NALF1: variants seen among roughly 807,000 people sequenced by gnomAD.
NALF1 encodes family with sequence similarity 155 member A.
In NALF1, 3 loss-of-function variants were observed where a neutral mutation model predicts 48.4. The ratio of observed to expected loss-of-function variants is 0.06; its 90% CI spans 0.03 to 0.16. The LOEUF is 0.16. Ranked by LOEUF, NALF1 falls within the 10% of genes least tolerant of loss-of-function variation. The probability of loss-of-function intolerance (pLI) is 1.00; values close to 1 mark genes in which losing one functional copy is unlikely to be tolerated. For synonymous variants in NALF1, 262 were observed against 245.7 expected, an observed-to-expected ratio of 1.07 and a Z score of -0.62; for missense variants, 526 against 571.5, an observed-to-expected ratio of 0.92 and a Z score of 0.81.
intron 1 of NALF1, among the ~76,000 whole-genome samples, chr13:107,228,034 T>A (rs1448710310): frequency 6.6e-6 from 1 of 152,202 alleles, no homozygotes; most frequent in South Asian, 2.1e-4. Flanking sequence ...ATATGTTATG[T>A]AAAGAGCATA....
At chr13:107,269,924 T>G (rs1269704733) in intron 1 of NALF1, among the ~76,000 whole-genome samples, 1 of 136,500 alleles carries the variant, frequency 7.3e-6, no homozygotes, top group Non-Finnish European at 1.6e-5. Context: ...TTTTTTTTTT[T>G]TTTTTTTTTT....
chr13:107,757,698 A>G (rs1238239256), intron 1 of NALF1, among the ~76,000 whole-genome samples: 1 of 152,136 alleles, frequency 6.6e-6, no homozygotes, highest in Non-Finnish European at 1.5e-5. Flanking sequence ...GATTTTTGTC[A>G]CTGAAGCATA....
At chr13:107,526,246 G>A (rs1200818871) in intron 1 of NALF1, among the ~76,000 whole-genome samples, 9 of 151,984 alleles carry the variant, frequency 5.9e-5, no homozygotes, top group East Asian at 1.9e-4. Context: ...ATGGGAGTAC[G>A]ATCTTAAGAT....
intron 1 of NALF1, among the ~76,000 whole-genome samples, chr13:107,422,255 G>T (rs1051125663): frequency 6.6e-6 from 1 of 152,100 alleles, no homozygotes; most frequent in Non-Finnish European, 1.5e-5. Context: ...TGATAAGATT[G>T]ATACAAAAAT....
intron 1 of NALF1, among the ~76,000 whole-genome samples, chr13:107,340,489 T>TTTCTTCTCTCTTTCTTTCTTTC (rs1566489753): frequency 0.013 from 750 of 57,108 alleles, 12 homozygotes; most frequent in African/African-American, 0.018. Flanking sequence ...TTCTTTCTTT[T>TTTCTTCTCTCTTTCTTTCTTTC]TGTCTTTCTT....
At chr13:107,317,909 C>A (rs900059017) in intron 1 of NALF1, among the ~76,000 whole-genome samples, 3 of 151,782 alleles carry the variant, frequency 2.0e-5, no homozygotes, top group Non-Finnish European at 4.4e-5. Flanking sequence ...CAAAAACTAA[C>A]AAATGAGTAG....
chr13:107,654,696 A>G (rs547942278), intron 1 of NALF1, among the ~76,000 whole-genome samples: 3 of 152,228 alleles, frequency 2.0e-5, no homozygotes, highest in South Asian at 4.1e-4. Context: ...TAACAAAAAA[A>G]AAAGAAAACT....
Position 107,866,195 on chromosome 13 carries a change from G to A in NALF1, c.402C>T (p.Ser134=). The A allele has an allele frequency of 6.2e-7, 1 of 1,603,332 alleles. No individual in the cohort carries two copies. The highest frequency in any genetic ancestry group is 8.5e-7 in the Non-Finnish European group (1 of 1,175,426). The stretch of plus-strand genomic sequence containing the variant: ...CGCCGCCGCCGCCGCCGTCTCCCGG[G>A]GAGGGGGGCAGGGTGGGGGACGAGG... ...SASSSPTLPP[S]PGDGGGGGGK... Residue 134 remains serine (S), a synonymous_variant, in exon 1 of 3, where the codon TCC becomes TCT. Coordinates refer to ENST00000375915, the MANE Select transcript of NALF1 (RefSeq NM_001080396.3). The surrounding 1 kb of genome is among the most constrained non-coding windows in gnomAD (Gnocchi z 4.4).
intron 1 of NALF1, among the ~76,000 whole-genome samples, chr13:107,551,179 T>C (rs778564922): frequency 1.3e-5 from 2 of 152,176 alleles, no homozygotes; most frequent in East Asian, 3.8e-4. Flanking sequence ...GTGACGTCTC[T>C]TCTATGAACG....
intron 1 of NALF1, among the ~76,000 whole-genome samples, chr13:107,660,576 G>A (rs1374016681): frequency 6.6e-6 from 1 of 151,900 alleles, no homozygotes; most frequent in Non-Finnish European, 1.5e-5. Flanking sequence ...TCTACTTGTA[G>A]ACACAGACTT....
At chr13:107,298,944 T>C (rs750621531) in intron 1 of NALF1, among the ~76,000 whole-genome samples, 40 of 151,940 alleles carry the variant, frequency 2.6e-4, no homozygotes, top group African/African-American at 8.7e-4. Context: ...ACCATTTTTT[T>C]CCCCTAATGT....
chr13:107,556,230 G>A lies in NALF1; in HGVS notation c.915+309452C>T, dbSNP rs190854344. ...TGTGGGACTGATAGTCATTCCTTTT[G>A]CTTATCTTCAGAGATGTGCCTCTCC... On this transcript the variant is annotated intron_variant, in intron 1 of 2. Coordinates refer to ENST00000375915, the MANE Select transcript of NALF1 (RefSeq NM_001080396.3). Among the ~76,000 whole-genome samples, 865 of 146,932 alleles carry A rather than the reference G, an allele frequency of 5.9e-3. 6 individuals are homozygous for A. Among genetic ancestry groups the A allele is most frequent in the African/African-American group, 0.021 (828 of 39,244 alleles).
At position 107,837,725 on chromosome 13, in the gene NALF1, C is replaced by G. The variant is rs146913851; in HGVS notation, c.915+27957G>C. On this transcript the variant is annotated intron_variant, in intron 1 of 2. Transcript: ENST00000375915. Reference sequence around the variant, plus strand: ...CAGCGTGACATCTGCTTTCTCTCCTCCCCTGCAGCACTTCACAGAGCCACC... The same window carrying G: ...CAGCGTGACATCTGCTTTCTCTCCTGCCCTGCAGCACTTCACAGAGCCACC... Among the ~76,000 whole-genome samples the G allele has an allele frequency of 8.6e-3, 1,313 of 152,194 alleles. 21 individuals carry two copies. The highest frequency in any genetic ancestry group is 0.03 in the African/African-American group (1,243 of 41,520).
chr13:107,287,689 T>C (rs1214808966), intron 1 of NALF1, among the ~76,000 whole-genome samples: 1 of 137,120 alleles, frequency 7.3e-6, no homozygotes, highest in Non-Finnish European at 1.5e-5. Flanking sequence ...TTTCTTTTCC[T>C]TTCTTTTCTT....
At chr13:107,843,970 T>C (rs944093966) in intron 1 of NALF1, among the ~76,000 whole-genome samples, 1 of 152,128 alleles carries the variant, frequency 6.6e-6, no homozygotes, top group Non-Finnish European at 1.5e-5. Context: ...GTAGGTTTCA[T>C]TGAGTTATTT....
At chr13:107,835,956 C>G (rs571266370) in intron 1 of NALF1, among the ~76,000 whole-genome samples, 1 of 152,202 alleles carries the variant, frequency 6.6e-6, no homozygotes, top group Non-Finnish European at 1.5e-5. Context: ...GAAGCAGAAG[C>G]AGCACAGAGC....
intron 1 of NALF1, among the ~76,000 whole-genome samples, chr13:107,278,347 C>T (rs1036553312): frequency 6.6e-6 from 1 of 152,190 alleles, no homozygotes; most frequent in African/African-American, 2.4e-5. Flanking sequence ...TCACTCTTGA[C>T]AAGTCCATAT....
At chr13:107,417,163 A>G (rs932782753) in intron 1 of NALF1, among the ~76,000 whole-genome samples, 1 of 152,214 alleles carries the variant, frequency 6.6e-6, no homozygotes, top group Non-Finnish European at 1.5e-5. Context: ...TCTTCCTAAC[A>G]TCATTTCTAA....
At chr13:107,438,233 G>T (rs913877621) in intron 1 of NALF1, among the ~76,000 whole-genome samples, 1 of 152,104 alleles carries the variant, frequency 6.6e-6, no homozygotes, top group Non-Finnish European at 1.5e-5. Flanking sequence ...CTTTGAGAAA[G>T]AACTAAATCC....
Sources: allele counts gnomAD v4.1 joint callset (sites outside exome capture counted in the v4.1 genomes callset), GRCh38; gene constraint gnomAD v4.1.1; non-coding constraint Gnocchi (gnomAD v3.1); transcripts MANE v1.5; gene names NCBI Gene and HGNC (gene_info 2026-07-23, HGNC 2026-07-21).